Variants in FSTL5 observed in about 807,000 individuals in gnomAD.
FSTL5 encodes the protein follistatin-related protein 5.
Under a neutral mutation model 89.1 loss-of-function variants are expected in FSTL5, and 62 were observed. The observed-to-expected ratio is 0.70, with a 90% CI of 0.57 to 0.86. FSTL5 has a LOEUF of 0.86. Ranked by LOEUF, FSTL5 falls within the 40% of genes least tolerant of loss-of-function variation. The probability of loss-of-function intolerance (pLI) is 0.00; values close to 1 mark genes in which losing one functional copy is unlikely to be tolerated. For synonymous variants in FSTL5, 383 were observed against 346.2 expected (o/e 1.11, Z -1.18); for missense variants, 1,057 against 1,001.6 (o/e 1.06, Z -0.75).
At chr4:161,725,939 T>C (rs986211730) in intron 6 of FSTL5, among the ~76,000 whole-genome samples, 8 of 152,196 alleles carry the variant, frequency 5.3e-5, no homozygotes, top group Non-Finnish European at 1.0e-4. Context: ...CTACTTTTAA[T>C]GCCAAAAACC....
At chr4:161,408,449 T>C (rs766935879) in intron 15 of FSTL5, among the ~76,000 whole-genome samples, 1 of 152,098 alleles carries the variant, frequency 6.6e-6, no homozygotes, top group Non-Finnish European at 1.5e-5. Flanking sequence ...TAAATCACAA[T>C]TAAAGAAATA....
intron 15 of FSTL5, among the ~76,000 whole-genome samples, chr4:161,403,186 A>G (rs1731240988): frequency 6.6e-6 from 1 of 152,174 alleles, no homozygotes; most frequent in African/African-American, 2.4e-5. Flanking sequence ...AGCTTTAAAT[A>G]CTTGAACACC....
At chr4:161,943,788 C>T (rs898213607) in intron 3 of FSTL5, among the ~76,000 whole-genome samples, 1 of 151,914 alleles carries the variant, frequency 6.6e-6, no homozygotes, top group Non-Finnish European at 1.5e-5. Flanking sequence ...ATCTCCTGAC[C>T]TCGTGATCTG....
intron 4 of FSTL5, among the ~76,000 whole-genome samples, chr4:161,781,518 ACC>A (rs1266835545): frequency 1.3e-5 from 2 of 152,154 alleles, no homozygotes; most frequent in African/African-American, 4.8e-5. Context: ...ACTTACACAC[ACC>A]ACATTAGAAC....
chr4:161,770,618 T>C (rs1327055275), intron 5 of FSTL5, among the ~76,000 whole-genome samples: 1 of 151,990 alleles, frequency 6.6e-6, no homozygotes, highest in African/African-American at 2.4e-5. Flanking sequence ...GTTTCTTTCA[T>C]CACATATGTA....
chr4:162,026,304 C>CTTTTTTTTATTTTTTTTTTTTTTTTTTTT (rs777176706), intron 3 of FSTL5, among the ~76,000 whole-genome samples: 1 of 79,474 alleles, frequency 1.3e-5, no homozygotes, highest in Non-Finnish European at 2.2e-5. Flanking sequence ...TATGTATTTT[C>CTTTTTTTTATTTTTTTTTTTTTTTTTTTT]TTTTTTTTTT....
intron 4 of FSTL5, among the ~76,000 whole-genome samples, chr4:161,916,676 T>C (rs1253789814): frequency 3.9e-5 from 6 of 152,154 alleles, no homozygotes; most frequent in Non-Finnish European, 5.9e-5. Context: ...CATAGGTATA[T>C]TGTTTATTTT....
At chr4:161,438,035 G>T (rs1323693939) in intron 15 of FSTL5, among the ~76,000 whole-genome samples, 2 of 152,192 alleles carry the variant, frequency 1.3e-5, no homozygotes, top group South Asian at 4.2e-4. Context: ...GGCAAAGATG[G>T]GCAAGGCAAA....
intron 6 of FSTL5, among the ~76,000 whole-genome samples, chr4:161,723,501 T>G (rs2126753992): frequency 6.6e-6 from 1 of 152,336 alleles, no homozygotes; most frequent in Middle Eastern, 3.4e-3. Context: ...ATTTAGACTT[T>G]ATTTTCCTTT....
chr4:161,920,864 T>C (rs967299467), intron 3 of FSTL5, among the ~76,000 whole-genome samples: 4 of 152,090 alleles, frequency 2.6e-5, no homozygotes, highest in Admixed American at 6.6e-5. Flanking sequence ...TCCTCTCCTC[T>C]ACTTGAGCTC....
intron 11 of FSTL5, among the ~76,000 whole-genome samples, chr4:161,509,923 C>T (rs758302172): frequency 1.3e-5 from 2 of 152,092 alleles, no homozygotes; most frequent in Non-Finnish European, 2.9e-5. Flanking sequence ...TACTATACTC[C>T]TTTTTGAGAT....
At chr4:162,027,363 T>C (rs1262165638) in intron 3 of FSTL5, among the ~76,000 whole-genome samples, 35 of 152,138 alleles carry the variant, frequency 2.3e-4, no homozygotes, top group Admixed American at 2.0e-3. Flanking sequence ...GTTAATGTTT[T>C]ATAGAATTGT....
intron 2 of FSTL5, among the ~76,000 whole-genome samples, chr4:162,090,540 G>C (rs1027872906): frequency 6.6e-6 from 1 of 152,018 alleles, no homozygotes; most frequent in African/African-American, 2.4e-5. Flanking sequence ...CACAATCAAG[G>C]CCGGGTGCGG....
chr4:161,970,598 C>T (rs984891496), intron 3 of FSTL5, among the ~76,000 whole-genome samples: 2 of 152,006 alleles, frequency 1.3e-5, no homozygotes, highest in African/African-American at 4.8e-5. Flanking sequence ...AAGTAAAATG[C>T]TGCCTTATGG....
At chr4:161,792,188 C>T (rs988169458) in intron 4 of FSTL5, among the ~76,000 whole-genome samples, 1 of 152,142 alleles carries the variant, frequency 6.6e-6, no homozygotes, top group African/African-American at 2.4e-5. Flanking sequence ...ACTATCATAA[C>T]TCAGATGGGT....
At chr4:161,791,169 C>T (rs1453986199) in intron 4 of FSTL5, among the ~76,000 whole-genome samples, 3 of 148,894 alleles carry the variant, frequency 2.0e-5, no homozygotes, top group Non-Finnish European at 4.4e-5. Flanking sequence ...TTGAGAAGTC[C>T]AAAGAATTAG....
chr4:161,644,843 C>T (rs1173165183), intron 7 of FSTL5, among the ~76,000 whole-genome samples: 3 of 151,930 alleles, frequency 2.0e-5, no homozygotes, highest in Non-Finnish European at 4.4e-5. Context: ...AAATGACAGG[C>T]CTTAAACTAA....
intron 1 of FSTL5, among the ~76,000 whole-genome samples, chr4:162,155,516 A>C (rs1733431778): frequency 6.6e-6 from 1 of 152,228 alleles, no homozygotes. Flanking sequence ...TTATGTGGCT[A>C]AGTCTGTGAT....
At chr4:162,007,668 T>C (rs1038444725) in intron 3 of FSTL5, among the ~76,000 whole-genome samples, 2 of 151,740 alleles carry the variant, frequency 1.3e-5, no homozygotes, top group Non-Finnish European at 3.0e-5. Context: ...GTCAGAAGAT[T>C]AGCAAATTTG....
Sources: allele counts gnomAD v4.1 joint callset (sites outside exome capture counted in the v4.1 genomes callset), GRCh38; gene constraint gnomAD v4.1.1; transcripts MANE v1.5; gene names NCBI Gene and HGNC (gene_info 2026-07-23, HGNC 2026-07-21).